The following MAPK6 variants were observed in gnomAD, a reference collection of about 807,000 sequenced individuals.
MAPK6 encodes mitogen-activated protein kinase 6, also known as ERK-3.
Under a neutral mutation model 59.3 loss-of-function variants are expected in MAPK6, and 19 were observed. The observed-to-expected ratio is 0.32, with a 90% CI of 0.22 to 0.47. MAPK6 has a LOEUF of 0.47. MAPK6 is among the 20% of genes least tolerant of loss of function. The pLI, the probability that MAPK6 is intolerant of heterozygous loss-of-function variation, is 1.00. For missense variants in MAPK6, 724 were observed against 847.9 expected (o/e 0.85, Z 1.81); for synonymous variants, 316 against 290.3 (o/e 1.09, Z -0.90).
chr15:52,061,744 G>T lies in MAPK6; in HGVS notation c.1067+244G>T, dbSNP rs534522850. Among the ~76,000 whole-genome samples the T allele has an allele frequency of 3.3e-5, 5 of 152,218 alleles. No individual in the cohort carries two copies. In the South Asian group the frequency reaches 6.2e-4, roughly 19 times the overall value. On this transcript the variant is annotated intron_variant, in intron 5 of 5. Coordinates refer to ENST00000261845, the MANE Select transcript of MAPK6 (RefSeq NM_002748.4). ...GCCGAGATTATGCCACTGCATTCCAGTCTGGGCAATAGAGCAAGACTCCAT... is the reference window on the plus strand; with the variant it reads ...GCCGAGATTATGCCACTGCATTCCATTCTGGGCAATAGAGCAAGACTCCAT...
intron 4 of MAPK6, among the ~76,000 whole-genome samples, chr15:52,060,562 T>C (rs1271664734): frequency 6.6e-6 from 1 of 152,148 alleles, no homozygotes; most frequent in East Asian, 1.9e-4. Flanking sequence ...TAGATGGTGG[T>C]GGTGATCCAG....
At chr15:52,039,259 G>C (rs952595276) in intron 1 of MAPK6, among the ~76,000 whole-genome samples, 2 of 152,156 alleles carry the variant, frequency 1.3e-5, no homozygotes, top group African/African-American at 2.4e-5. Context: ...GCCTCCCAAA[G>C]TGCATGAGCC....
At chr15:51,994,244 G>C (rs959108310) in intron 2 of MAPK6, among the ~76,000 whole-genome samples, 11 of 152,094 alleles carry the variant, frequency 7.2e-5, no homozygotes, top group African/African-American at 2.7e-4. Context: ...ACAGGTGTGA[G>C]CCACCGCGCC....
At chr15:51,993,434 G>C (rs1248637206) in intron 2 of MAPK6, among the ~76,000 whole-genome samples, 1 of 152,182 alleles carries the variant, frequency 6.6e-6, no homozygotes, top group Non-Finnish European at 1.5e-5. Flanking sequence ...CAAATGGAAG[G>C]ATTGATTAAA....
At chr15:51,991,142 T>TACAC (rs1209672368) in intron 2 of MAPK6, among the ~76,000 whole-genome samples, 3 of 110,080 alleles carry the variant, frequency 2.7e-5, no homozygotes, top group East Asian at 1.0e-3. Context: ...AAGAAATATA[T>TACAC]ATATATACAC....
At chr15:52,030,584 G>T (rs1360761360) in intron 1 of MAPK6, among the ~76,000 whole-genome samples, 1 of 134,872 alleles carries the variant, frequency 7.4e-6, no homozygotes, top group Non-Finnish European at 1.6e-5. Context: ...GATTTTGATG[G>T]TTGTGTTTTA....
At chr15:52,015,939 C>T (rs1218857095), upstream of MAPK6, among the ~76,000 whole-genome samples, 3 of 147,288 alleles carry the variant, frequency 2.0e-5, no homozygotes, top group Admixed American at 6.8e-5. Context: ...GCCCTGTAAT[C>T]CCAGCTACTG....
chr15:51,984,447 ATTTTTT>A (rs71130112), intron 2 of MAPK6, among the ~76,000 whole-genome samples: 25 of 69,974 alleles, frequency 3.6e-4, no homozygotes, highest in African/African-American at 1.1e-3. Flanking sequence ...ACGCCGGCTA[ATTTTTT>A]TTTTTTTTTT....
At chr15:51,983,913 A>G (rs999483390) in intron 2 of MAPK6, among the ~76,000 whole-genome samples, 1 of 152,126 alleles carries the variant, frequency 6.6e-6, no homozygotes, top group African/African-American at 2.4e-5. Context: ...TTCCATGTCT[A>G]AGTTCAAGGC....
chr15:52,063,460 G>A (rs1319217439), intron 5 of MAPK6, among the ~76,000 whole-genome samples: 2 of 152,118 alleles, frequency 1.3e-5, no homozygotes, highest in Admixed American at 6.6e-5. Context: ...TCAGCAGCAC[G>A]TATACACAGG....
chr15:52,040,902 A>G (rs2031398246), intron 1 of MAPK6, among the ~76,000 whole-genome samples: 1 of 152,254 alleles, frequency 6.6e-6, no homozygotes, highest in Admixed American at 6.5e-5. Context: ...GCCAACTTTT[A>G]TTCTTATAAA....
intron 2 of MAPK6, among the ~76,000 whole-genome samples, chr15:51,983,466 C>T (rs1300062141): frequency 6.8e-6 from 1 of 146,664 alleles, no homozygotes; most frequent in Non-Finnish European, 1.5e-5. Flanking sequence ...GCAACAACAG[C>T]GAAACTCCGT....
At chr15:52,036,781 TTTCC>T (rs1269976209) in intron 1 of MAPK6, among the ~76,000 whole-genome samples, 9 of 152,092 alleles carry the variant, frequency 5.9e-5, no homozygotes, top group Non-Finnish European at 1.3e-4. Context: ...TCTTCCTTTC[TTTCC>T]TTCCTTCCTT....
intron 1 of MAPK6, chr15:52,042,880 A>G (rs1279025589): frequency 6.6e-6 from 1 of 152,190 alleles, no homozygotes; most frequent in African/African-American, 2.4e-5. Context: ...TAGAGATGTA[A>G]AATTTAGGAA....
chr15:52,017,261 C>A (rs1315290856), upstream of MAPK6: 2 of 152,196 alleles, frequency 1.3e-5, no homozygotes, highest in East Asian at 1.9e-4. Context: ...ATCATTAGTT[C>A]TTACAGGTTT....
chr15:52,013,321 C>T (rs2030146250), intron 3 of MAPK6, among the ~76,000 whole-genome samples: 1 of 151,808 alleles, frequency 6.6e-6, no homozygotes, highest in African/African-American at 2.4e-5. Flanking sequence ...TTACATCTTC[C>T]CTAACATACT....
intron 3 of MAPK6, among the ~76,000 whole-genome samples, chr15:52,012,822 A>G (rs1395031765): frequency 1.3e-5 from 2 of 151,072 alleles, no homozygotes; most frequent in Admixed American, 1.3e-4. Context: ...CCTCGTCTTT[A>G]CTAAAAATAC....
chr15:52,001,697 C>A (rs1235693708), intron 2 of MAPK6, among the ~76,000 whole-genome samples: 1 of 151,958 alleles, frequency 6.6e-6, no homozygotes, highest in Non-Finnish European at 1.5e-5. Flanking sequence ...TTAGTAGAGA[C>A]AGGGTTTCAC....
At chr15:51,986,049 A>G (rs760369349) in intron 2 of MAPK6, among the ~76,000 whole-genome samples, 28 of 152,208 alleles carry the variant, frequency 1.8e-4, no homozygotes, top group Non-Finnish European at 3.7e-4. Context: ...AAGACTGGGT[A>G]ATTTATGAAG....
Sources: allele counts gnomAD v4.1 joint callset (sites outside exome capture counted in the v4.1 genomes callset), GRCh38; gene constraint gnomAD v4.1.1; transcripts MANE v1.5; gene names NCBI Gene and HGNC (gene_info 2026-07-23, HGNC 2026-07-21).